The following NPR2 variants were observed in gnomAD, a reference collection of about 807,000 sequenced individuals.
NPR2 encodes the protein atrial natriuretic peptide receptor 2.
NPR2 carries 49 observed loss-of-function variants against 120.7 expected under a neutral mutation model. The observed-to-expected ratio is 0.41, with a 90% confidence interval of 0.32 to 0.52. NPR2 has a LOEUF of 0.52. NPR2 is among the 20% of genes least tolerant of loss of function. The pLI is 0.36. For synonymous variants in NPR2, 484 were observed against 519.8 expected, an observed-to-expected ratio of 0.93 and a Z score of 0.94; for missense variants, 931 against 1,362.9, an observed-to-expected ratio of 0.68 and a Z score of 4.99.
In NPR2 at chr9:35,802,817, A is replaced by G; in HGVS notation, c.1887+14A>G. 1 of 1,558,052 alleles carries G rather than the reference A, an allele frequency of 6.4e-7. No homozygotes were observed. Among genetic ancestry groups the G allele is most frequent in the South Asian group, 1.1e-5 (1 of 89,956 alleles). On this transcript the variant is annotated intron_variant, in intron 12 of 21. Transcript: ENST00000342694. This position sits in a 1 kb window ranked among gnomAD's most constrained non-coding sequence, Gnocchi z 4.2. Reference sequence around the variant, plus strand: ...GACCTTGTTAAGGTGAGTCTTCCCCACTCCTTAAAAGTTCATCCACTTTAA... The same window carrying G: ...GACCTTGTTAAGGTGAGTCTTCCCCGCTCCTTAAAAGTTCATCCACTTTAA...
chr9:35,804,396 C>A lies in NPR2; in HGVS notation c.1888-1115C>A, dbSNP rs189216590. Among the ~76,000 whole-genome samples the A allele has an allele frequency of 3.5e-4, 54 of 152,174 alleles. No individual in the cohort carries two copies. In the East Asian group the frequency reaches 0.01, roughly 28 times the overall value. On this transcript the variant is annotated intron_variant, in intron 12 of 21. Transcript: ENST00000342694. ...CCACAGCGTGTGCTGCAGTGCCCGGCTCATTTTTATATTTTTGGTAGAGGT... is the reference window on the plus strand; with the variant it reads ...CCACAGCGTGTGCTGCAGTGCCCGGATCATTTTTATATTTTTGGTAGAGGT...
In NPR2 at chr9:35,792,228, T is replaced by A. The variant is rs1588049593; in HGVS notation, c.-181T>A. On this transcript the variant is annotated 5_prime_UTR_variant, in exon 1 of 22. Coordinates refer to ENST00000342694, the MANE Select transcript of NPR2 (RefSeq NM_003995.4). The stretch of plus-strand genomic sequence containing the variant: ...GCCCACTCCTTGCCCGCCCCCCGCC[T>A]TCCTCCCATCTCCCCCTCCTCTCCC... 2.2e-4 allele frequency: 49 copies of A among 222,982 alleles called. No homozygotes were observed. The highest frequency in any genetic ancestry group is 1.4e-3 in the Middle Eastern group (1 of 724). The allele number at this position is 222,982 out of a possible 1,614,324, so 13.8% of individuals were successfully genotyped here.
chr9:35,792,412 G>A lies in NPR2; in HGVS notation c.4G>A (p.Ala2Thr), dbSNP rs961345204. The A allele has an allele frequency of 6.2e-7, 1 of 1,610,836 alleles. No homozygotes were observed. The highest frequency in any genetic ancestry group is 1.3e-5 in the African/African-American group (1 of 74,992). The change falls in exon 1 of 22, where the codon GCG (alanine) becomes ACG (threonine). Residue 2 changes from alanine to threonine, a missense_variant. Around this residue, in one of 3 missense-constraint regions of NPR2, gnomAD observed 681 missense variants for 974.3 expected, o/e 0.70. Coordinates refer to ENST00000342694, the MANE Select transcript of NPR2 (RefSeq NM_003995.4). MALPSLLLLVAA... is the reference protein window; with the variant it reads MTLPSLLLLVAA... ...GTGGGGCTGCTGCTTTATCCCCATGGCGCTGCCATCACTTCTGCTGTTGGT... is the reference window on the plus strand; with the variant it reads ...GTGGGGCTGCTGCTTTATCCCCATGACGCTGCCATCACTTCTGCTGTTGGT...
Position 35,800,234 on chromosome 9 carries a change from G to C in NPR2, c.1123+77G>C, listed in dbSNP as rs142995827. On this transcript the variant is annotated intron_variant, in intron 4 of 21. Transcript: ENST00000342694. The surrounding 1 kb of genome is among the most constrained non-coding windows in gnomAD (Gnocchi z 4.7). ...GGGCTGAAGAAGAAACAGATGTCAG[G>C]ATCACCACAGCTTTAGTGGGGGTTA... The C allele has an allele frequency of 1.1e-4, 160 of 1,472,876 alleles. 1 individual carries two copies. In the African/African-American group the frequency reaches 2.0e-3, roughly 19 times the overall value. 91.2% of individuals were successfully genotyped at this position (1,472,876 alleles called of 1,614,324 possible). A position where few individuals can be genotyped will look rare whatever the true frequency, so the allele number is the denominator to read the frequency against.
intron 2 of NPR2, 38 bp downstream of exon 2, chr9:35,794,141 A>G (rs1379061956): frequency 1.3e-6 from 2 of 1,585,802 alleles, no homozygotes; most frequent in African/African-American, 1.3e-5. Flanking sequence ...GAGGGGGAAG[A>G]GGTGCTTCGC....
At chr9:35,801,292 G>A (rs555308420) in intron 7 of NPR2, 138 bp downstream of exon 7, 60 of 752,206 alleles carry the variant, frequency 8.0e-5, no homozygotes, top group Non-Finnish European at 1.3e-4. Context: ...ATCCAACAGC[G>A]TCTTCCTCTC....
Position 35,793,061 on chromosome 9 carries a change from G to A in NPR2, c.653G>A (p.Arg218Gln), listed in dbSNP as rs1285934866. 6.3e-7 allele frequency: 1 copy of A among 1,597,734 alleles called. No individual in the cohort carries two copies. The highest frequency in any genetic ancestry group is 8.5e-7 in the Non-Finnish European group (1 of 1,173,644). ...CCCGAGCAGGCCACCCACTTCATCC[G>A]GGCCAACGGGCGCAGTGAGTGTGGC... ...GGPEQATHFI[R>Q]ANGRIVYICG... Residue 218 changes from arginine (R) to glutamine (Q), a missense_variant, in exon 1 of 22, where the codon CGG (arginine) becomes CAG (glutamine). Arg to Gln is a conservative substitution (Grantham distance 43). This residue lies in a region of NPR2 where 681 missense variants were observed against 974.3 expected (regional missense o/e 0.70). Coordinates refer to ENST00000342694, the MANE Select transcript of NPR2 (RefSeq NM_003995.4).
Position 35,808,765 on chromosome 9 carries a change from T to C in NPR2, c.2898T>C (p.Cys966=), listed in dbSNP as rs1293510826. The change falls in exon 20 of 22, where the codon TGT becomes TGC. Residue 966 remains cysteine (C), a synonymous_variant. Transcript: ENST00000342694. The surrounding 1 kb of genome is among the most constrained non-coding windows in gnomAD (Gnocchi z 4.0). ...TGTTTCTTCTCAAAGGGCCAGTCTG[T>C]GCTGGGGTTGTTGGCCTGAAGATGC... ...LRIGVHTGPV[C]AGVVGLKMPR... is the part of the protein sequence containing the mutation. The C allele has an allele frequency of 2.5e-6, 4 of 1,613,610 alleles. No individual in the cohort carries two copies. Among genetic ancestry groups the C allele is most frequent in the Non-Finnish European group, 3.4e-6 (4 of 1,179,440 alleles).
intron 17 of NPR2, 37 bp downstream of exon 17, chr9:35,807,183 G>C: frequency 6.7e-7 from 1 of 1,482,220 alleles, no homozygotes; most frequent in African/African-American, 1.4e-5. Context: ...GGTGGGGTTG[G>C]GTGGGTAGGG....
rs117263914 is a variant in NPR2 at position 35,795,266 on chromosome 9, T to C, written c.873+1163T>C. The stretch of plus-strand genomic sequence containing the variant: ...TGTGCCTTTATGTTCTTTTTCCTTT[T>C]GTCTGGAATGCTCTTCCTTCCCTCA... On this transcript the variant is annotated intron_variant, in intron 2 of 21. Coordinates refer to ENST00000342694, the MANE Select transcript of NPR2 (RefSeq NM_003995.4). Among the ~76,000 whole-genome samples the C allele has an allele frequency of 8.1e-4, 124 of 152,350 alleles. 1 individual carries two copies. Among genetic ancestry groups the C allele is most frequent in the Admixed American group, 1.6e-3 (25 of 15,308 alleles).
At chr9:35,795,030 T>A (rs1282182359) in intron 2 of NPR2, among the ~76,000 whole-genome samples, 2 of 152,172 alleles carry the variant, frequency 1.3e-5, no homozygotes, top group Admixed American at 6.5e-5. Flanking sequence ...GTGGGGAATG[T>A]TGGCATGACT....
chr9:35,806,937 T>C lies in NPR2; in HGVS notation c.2520-86T>C, dbSNP rs1192797566. 9 of 1,460,472 alleles carry C rather than the reference T, an allele frequency of 6.2e-6. No individual in the cohort carries two copies. Among genetic ancestry groups the C allele is most frequent in the East Asian group, 2.3e-5 (1 of 43,998 alleles). The allele number at this position is 1,460,472 out of a possible 1,614,324, so 90.5% of individuals were successfully genotyped here. A position where few individuals can be genotyped will look rare whatever the true frequency, so the allele number is the denominator to read the frequency against. On this transcript the variant is annotated intron_variant, in intron 16 of 21. Coordinates refer to ENST00000342694, the MANE Select transcript of NPR2 (RefSeq NM_003995.4). The surrounding 1 kb of genome is among the most constrained non-coding windows in gnomAD (Gnocchi z 4.6). ...AGCCTAGCTTTCTTGTTACAGCTCA[T>C]CTCTGCTGCAGCCACATACACTTTC...
Position 35,809,420 on chromosome 9 carries a change from G to C in NPR2, c.3119G>C (p.Arg1040Pro). 1 of 1,614,150 alleles carries C rather than the reference G, an allele frequency of 6.2e-7. No individual in the cohort carries two copies. Among genetic ancestry groups the C allele is most frequent in the Non-Finnish European group, 8.5e-7 (1 of 1,180,032 alleles). Reference sequence around the variant, plus strand: ...CGAACATACTGGCTCTTAGGAGAGCGGAAAGGACCTCCTGGACTCCTGTAA... The same window carrying C: ...CGAACATACTGGCTCTTAGGAGAGCCGAAAGGACCTCCTGGACTCCTGTAA... ...KMRTYWLLGE[R>P]KGPPGLL Residue 1040 changes from arginine to proline, a missense_variant, in exon 22 of 22, where the codon CGG becomes CCG. This residue lies in a region of NPR2 where 184 missense variants were observed against 328.3 expected (regional missense o/e 0.56). Transcript: ENST00000342694. The surrounding 1 kb of genome is among the most constrained non-coding windows in gnomAD (Gnocchi z 4.1).
Position 35,805,024 on chromosome 9 carries a change from T to C in NPR2, c.1888-487T>C, listed in dbSNP as rs547185138. Among the ~76,000 whole-genome samples the C allele has an allele frequency of 7.2e-4, 110 of 152,220 alleles. No homozygotes were observed. Among genetic ancestry groups the C allele is most frequent in the African/African-American group, 2.5e-3 (102 of 41,498 alleles). ...CCTCTAGTAGATCTTGTTCCTCCTC[T>C]ACCCCGACTTGCCCACCTACGCCTG... On this transcript the variant is annotated intron_variant, in intron 12 of 21. Coordinates refer to ENST00000342694, the MANE Select transcript of NPR2 (RefSeq NM_003995.4). This position sits in a 1 kb window ranked among gnomAD's most constrained non-coding sequence, Gnocchi z 4.9.
Position 35,809,261 on chromosome 9 carries a change from A to T in NPR2, c.3078+14A>T, listed in dbSNP as rs375292860. On this transcript the variant is annotated intron_variant, in intron 21 of 21. Transcript: ENST00000342694. This position sits in a 1 kb window ranked among gnomAD's most constrained non-coding sequence, Gnocchi z 4.1. ...GTGGAAATGAAGGTGATGGCAGGCC[A>T]TGGGGAGGGGGGCATGGAAAGGGAG... 12 of 1,609,122 alleles carry T rather than the reference A, an allele frequency of 7.5e-6. No individual in the cohort carries two copies. Among genetic ancestry groups the T allele is most frequent in the Non-Finnish European group, 1.0e-5 (12 of 1,175,694 alleles).
At chr9:35,796,826 T>C (rs1827958954) in intron 2 of NPR2, among the ~76,000 whole-genome samples, 1 of 152,102 alleles carries the variant, frequency 6.6e-6, no homozygotes, top group Non-Finnish European at 1.5e-5. Context: ...GTTGGGCAGT[T>C]AGCTACAGCC....
chr9:35,808,700 C>T lies in NPR2; in HGVS notation c.2887+17C>T. 1.2e-6 allele frequency: 2 copies of T among 1,613,148 alleles called. No individual in the cohort carries two copies. Among genetic ancestry groups the T allele is most frequent in the Non-Finnish European group, 1.7e-6 (2 of 1,179,076 alleles). ...TCCATACTGGTAAGGCTGACTCTCA[C>T]TCCAGCCCTAGTCTCCACCTTTCCC... On this transcript the variant is annotated intron_variant, in intron 19 of 21. Coordinates refer to ENST00000342694, the MANE Select transcript of NPR2 (RefSeq NM_003995.4). This position sits in a 1 kb window ranked among gnomAD's most constrained non-coding sequence, Gnocchi z 4.0.
At chr9:35,799,924 C>A (rs928900535) in intron 3 of NPR2, 98 bp from the exon 4 acceptor site, 5 of 1,571,290 alleles carry the variant, frequency 3.2e-6, no homozygotes, top group Non-Finnish European at 3.5e-6. Context: ...GGGAAGAAAG[C>A]AAACCAGAAG....
rs555868541 is a variant in NPR2, at chr9:35,799,500, T to A, written c.874-118T>A. The A allele has an allele frequency of 3.2e-4, 247 of 765,528 alleles. 2 individuals are homozygous for A. In the South Asian group the frequency reaches 3.5e-3, roughly 11 times the overall value. The allele number at this position is 765,528 out of a possible 1,614,324, so 47.4% of individuals were successfully genotyped here. On this transcript the variant is annotated intron_variant, in intron 2 of 21. Transcript: ENST00000342694. ...AGTAGCCCTTTCAAAGCCTTCAGAC[T>A]CACCTGTGTATATTTTATATCATGT... is the stretch of plus-strand genomic sequence containing the variant.
Sources: gnomAD v4.1 joint callset for allele counts (sites outside exome capture counted in the v4.1 genomes callset) on GRCh38, gnomAD v4.1.1 for gene constraint, gnomAD v4.1.1 regional missense constraint, Gnocchi (gnomAD v3.1) non-coding constraint, MANE v1.5 for transcripts, NCBI Gene and HGNC (gene_info 2026-07-23, HGNC 2026-07-21) for gene names.